EPB41L4A: variants seen among roughly 807,000 people sequenced by gnomAD.
EPB41L4A encodes erythrocyte membrane protein band 4.1 like 4A.
In EPB41L4A, 100 loss-of-function variants were observed where a neutral mutation model predicts 108.6. The ratio of observed to expected loss-of-function variants is 0.92; its 90% confidence interval spans 0.78 to 1.09. The LOEUF is 1.09. Ranked by LOEUF, EPB41L4A falls within the 50% of genes least tolerant of loss-of-function variation. EPB41L4A has a pLI of 0.00. For missense variants in EPB41L4A, 1,030 were observed against 842.7 expected (o/e 1.22, Z -2.75); for synonymous variants, 319 against 289.0 (o/e 1.10, Z -1.05).
At chr5:112,266,535 C>T (rs895143433) in intron 4 of EPB41L4A, among the ~76,000 whole-genome samples, 2 of 152,128 alleles carry the variant, frequency 1.3e-5, no homozygotes, top group South Asian at 2.1e-4. Flanking sequence ...CTAAAAAGTG[C>T]GGCTTTCAAG....
At chr5:112,362,276 A>T (rs955824835) in intron 1 of EPB41L4A, among the ~76,000 whole-genome samples, 5 of 119,032 alleles carry the variant, frequency 4.2e-5, no homozygotes, top group Non-Finnish European at 8.4e-5. Flanking sequence ...AGCTTAGAGC[A>T]TTAATGTTTT....
At chr5:112,254,042 A>G (rs146117467) in intron 9 of EPB41L4A, among the ~76,000 whole-genome samples, 1,573 of 152,254 alleles carry the variant, frequency 0.01, 8 homozygotes, top group African/African-American at 0.017. Context: ...CAGAGTTGCC[A>G]GGAACCTTTT....
At chr5:112,180,574 A>G (rs1761094343) in intron 18 of EPB41L4A, among the ~76,000 whole-genome samples, 1 of 152,108 alleles carries the variant, frequency 6.6e-6, no homozygotes, top group African/African-American at 2.4e-5. Flanking sequence ...AAACCTAAGT[A>G]TAAAAGCAAA....
intron 16 of EPB41L4A, among the ~76,000 whole-genome samples, chr5:112,194,939 G>A (rs565158931): frequency 9.9e-5 from 15 of 152,246 alleles, no homozygotes; most frequent in African/African-American, 3.6e-4. Context: ...ACAGAACTCT[G>A]ACATGGCAAA....
intron 4 of EPB41L4A, among the ~76,000 whole-genome samples, chr5:112,268,757 C>T (rs529508940): frequency 7.6e-5 from 11 of 145,212 alleles, no homozygotes; most frequent in African/African-American, 2.8e-4. Context: ...GCAGGAGGAT[C>T]GTCTGAGCCC....
At chr5:112,416,124 T>G (rs182947235) in intron 1 of EPB41L4A, among the ~76,000 whole-genome samples, 1 of 152,202 alleles carries the variant, frequency 6.6e-6, no homozygotes, top group East Asian at 1.9e-4. Context: ...ACACATTAAT[T>G]TTTTTTCTAA....
At chr5:112,413,541 T>C (rs1433991575) in intron 1 of EPB41L4A, among the ~76,000 whole-genome samples, 1 of 152,186 alleles carries the variant, frequency 6.6e-6, no homozygotes, top group Non-Finnish European at 1.5e-5. Flanking sequence ...GGATCACAGG[T>C]AGCAGCTCAC....
At chr5:112,238,190 G>C (rs1749495408) in intron 11 of EPB41L4A, among the ~76,000 whole-genome samples, 6 of 152,106 alleles carry the variant, frequency 3.9e-5, no homozygotes, top group Admixed American at 3.9e-4. Flanking sequence ...TAATCCTGGT[G>C]ATGTTTTATG....
chr5:112,181,227 G>C (rs571449994), intron 18 of EPB41L4A, among the ~76,000 whole-genome samples: 1 of 151,962 alleles, frequency 6.6e-6, no homozygotes, highest in South Asian at 2.1e-4. Context: ...CGAGGCGGGC[G>C]GATCACGAGG....
Position 112,316,400 on chromosome 5 carries a change from C to G in EPB41L4A, c.100-8910G>C, listed in dbSNP as rs56388623. The stretch of plus-strand genomic sequence containing the variant: ...AGTTCTCTGGGAAAACTTAAAATTA[C>G]ATTAATTTTTTTAGCTTAGGCCATT... On this transcript the variant is annotated intron_variant, in intron 1 of 22. Transcript: ENST00000261486. 8.2e-3 allele frequency among the ~76,000 whole-genome samples: 1,246 copies of G among 152,210 alleles called. 23 individuals carry two copies. The highest frequency in any genetic ancestry group is 0.028 in the African/African-American group (1,168 of 41,512).
intron 2 of EPB41L4A, among the ~76,000 whole-genome samples, chr5:112,302,279 G>A (rs929111452): frequency 1.9e-4 from 29 of 152,260 alleles, no homozygotes; most frequent in African/African-American, 6.5e-4. Flanking sequence ...GCTGAGGCAG[G>A]AGGATCACTA....
intron 2 of EPB41L4A, among the ~76,000 whole-genome samples, chr5:112,284,409 CT>C (rs1017427615): frequency 3.1e-4 from 47 of 152,134 alleles, no homozygotes; most frequent in African/African-American, 1.1e-3. Context: ...GAATTGTACC[CT>C]GGTGTGCTGC....
At chr5:112,340,719 T>C (rs1387119273) in intron 1 of EPB41L4A, among the ~76,000 whole-genome samples, 1 of 152,208 alleles carries the variant, frequency 6.6e-6, no homozygotes, top group Admixed American at 6.5e-5. Flanking sequence ...CTGCCAATTT[T>C]CTTTCGGTGA....
In EPB41L4A at chr5:112,390,610, T is replaced by TG. The variant is rs1207135160; in HGVS notation, c.99+28330dup. 5.9e-5 allele frequency among the ~76,000 whole-genome samples: 9 copies of TG among 152,314 alleles called. No homozygotes were observed. In the East Asian group the frequency reaches 1.7e-3, roughly 29 times the overall value. ...AGCGTGACTCTGTAGACTCCACCTC[T>TG]GGGGGCACGGCATAGCTGAACAAAA... On this transcript the variant is annotated intron_variant, in intron 1 of 22. Coordinates refer to ENST00000261486, the MANE Select transcript of EPB41L4A (RefSeq NM_022140.5).
At chr5:112,203,474 C>T (rs1762314168) in intron 15 of EPB41L4A, among the ~76,000 whole-genome samples, 1 of 152,200 alleles carries the variant, frequency 6.6e-6, no homozygotes, top group Non-Finnish European at 1.5e-5. Flanking sequence ...AAAAGAATTT[C>T]ACTGATGAGT....
intron 1 of EPB41L4A, among the ~76,000 whole-genome samples, chr5:112,388,897 A>T (rs1760741925): frequency 6.6e-6 from 1 of 152,208 alleles, no homozygotes; most frequent in Admixed American, 6.5e-5. Flanking sequence ...TTCCAAGCCC[A>T]TTAACTCTCC....
chr5:112,157,747 C>A (rs1375772110), downstream of EPB41L4A, among the ~76,000 whole-genome samples: 1 of 152,162 alleles, frequency 6.6e-6, no homozygotes. Context: ...TATGCAAAGC[C>A]CCTTCTGCTA....
intron 1 of EPB41L4A, among the ~76,000 whole-genome samples, chr5:112,358,359 G>A (rs1028279692): frequency 6.6e-6 from 1 of 152,176 alleles, no homozygotes; most frequent in African/African-American, 2.4e-5. Flanking sequence ...CTATGTTACA[G>A]ATTAGTCCTA....
intron 1 of EPB41L4A, among the ~76,000 whole-genome samples, chr5:112,325,840 T>C (rs1317333691): frequency 1.3e-5 from 2 of 152,160 alleles, no homozygotes; most frequent in Non-Finnish European, 2.9e-5. Context: ...TCTGGTATTC[T>C]ATGAATATGT....
Sources: allele counts gnomAD v4.1 joint callset (sites outside exome capture counted in the v4.1 genomes callset), GRCh38; gene constraint gnomAD v4.1.1; transcripts MANE v1.5; gene names NCBI Gene and HGNC (gene_info 2026-07-23, HGNC 2026-07-21).